Variants in SYNPO observed in about 807,000 individuals in gnomAD.
SYNPO encodes the protein synaptopodin.
Under a neutral mutation model 49.5 loss-of-function variants are expected in SYNPO, and 19 were observed. That is an observed-to-expected ratio of 0.38 (90% CI 0.27 to 0.56). The LOEUF is 0.56. SYNPO is among the 20% of genes least tolerant of loss of function. The pLI, the probability that SYNPO is intolerant of heterozygous loss-of-function variation, is 0.68. For synonymous variants in SYNPO, 536 were observed against 548.0 expected, an observed-to-expected ratio of 0.98 and a Z score of 0.31; for missense variants, 1,131 against 1,248.3, an observed-to-expected ratio of 0.91 and a Z score of 1.42.
At chr5:150,612,882 C>T (rs1358960562) in intron 1 of SYNPO, among the ~76,000 whole-genome samples, 1 of 152,152 alleles carries the variant, frequency 6.6e-6, no homozygotes, top group Non-Finnish European at 1.5e-5. Flanking sequence ...TGGGCTCAAG[C>T]ACTCCTCCAG....
At chr5:150,589,130 T>C in the SYNPO span, among the ~76,000 whole-genome samples, 1 of 151,872 alleles carries the variant, frequency 6.6e-6, no homozygotes, top group South Asian at 2.1e-4. Context: ...GGTGTGATCT[T>C]GGCTCACTGC....
chr5:150,621,663 T>C (rs1167701244), intron 2 of SYNPO, among the ~76,000 whole-genome samples: 1 of 152,146 alleles, frequency 6.6e-6, no homozygotes, highest in Non-Finnish European at 1.5e-5. Flanking sequence ...CACAGGCAGG[T>C]TTAAGTATGA....
At chr5:150,655,737 C>A (rs555455422) in intron 2 of SYNPO, among the ~76,000 whole-genome samples, 1 of 152,340 alleles carries the variant, frequency 6.6e-6, no homozygotes, top group East Asian at 1.9e-4. Flanking sequence ...ACTGCAACCT[C>A]CGCCTCTGAG....
chr5:150,607,891 T>A (rs148596070), intron 1 of SYNPO, among the ~76,000 whole-genome samples: 1 of 152,396 alleles, frequency 6.6e-6, no homozygotes, highest in East Asian at 1.9e-4. Flanking sequence ...AAAAACTTGT[T>A]AATGAGAAAT....
At position 150,648,168 on chromosome 5, in the gene SYNPO, C is replaced by T. The variant is rs775831849; in HGVS notation, c.-108C>T. 4 of 1,562,444 alleles carry T rather than the reference C, an allele frequency of 2.6e-6. No homozygotes were observed. The highest frequency in any genetic ancestry group is 3.5e-6 in the Non-Finnish European group (4 of 1,152,868). ...CCTCAGAGTGCTCCCTTCAAGCCTC[C>T]CAGGCCATGCACCGGGGCTCAGCCT... On this transcript the variant is annotated 5_prime_UTR_variant, in exon 2 of 3. Coordinates refer to ENST00000307662, the MANE Select transcript of SYNPO (RefSeq NM_007286.6). This position sits in a 1 kb window ranked among gnomAD's most constrained non-coding sequence, Gnocchi z 5.0.
At chr5:150,630,376 C>T (rs994394424) in intron 2 of SYNPO, among the ~76,000 whole-genome samples, 24 of 152,222 alleles carry the variant, frequency 1.6e-4, no homozygotes, top group Non-Finnish European at 3.1e-4. Flanking sequence ...AGCCTCCTGT[C>T]CTGCCTTCTG....
chr5:150,621,706 T>A (rs1295654276), intron 2 of SYNPO, among the ~76,000 whole-genome samples: 1 of 152,222 alleles, frequency 6.6e-6, no homozygotes, highest in Non-Finnish European at 1.5e-5. Flanking sequence ...GCACTGCAGA[T>A]ACCTTTGTTT....
chr5:150,604,537 A>T (rs567077869), intron 1 of SYNPO, among the ~76,000 whole-genome samples: 6 of 152,316 alleles, frequency 3.9e-5, no homozygotes, highest in African/African-American at 1.4e-4. Flanking sequence ...AGTCACATCC[A>T]TATCTACCGG....
chr5:150,649,820 G>T lies in SYNPO; in HGVS notation c.1545G>T (p.Leu515=). ...LARCPSPTMS[L]PSSWKYPTNA... The stretch of plus-strand genomic sequence containing the variant: ...GCTGCCCATCACCTACCATGTCCCT[G>T]CCTTCCTCCTGGAAATACCCCACTA... Residue 515 remains leucine, a synonymous_variant, in exon 2 of 3, where the codon CTG becomes CTT. Coordinates refer to ENST00000307662, the MANE Select transcript of SYNPO (RefSeq NM_007286.6). 6.2e-7 allele frequency: 1 copy of T among 1,610,182 alleles called. No individual in the cohort carries two copies.
At chr5:150,593,078 T>C in the SYNPO span, among the ~76,000 whole-genome samples, 4 of 152,240 alleles carry the variant, frequency 2.6e-5, no homozygotes, top group South Asian at 8.3e-4. Flanking sequence ...AGAGCTGTAT[T>C]GGTAGCCCAC....
chr5:150,624,251 G>C (rs1205836923), intron 2 of SYNPO, among the ~76,000 whole-genome samples: 3 of 152,186 alleles, frequency 2.0e-5, no homozygotes, highest in Non-Finnish European at 4.4e-5. Flanking sequence ...TCTAGTTACT[G>C]GGGCTGAGAC....
At chr5:150,588,721 C>A in the SYNPO span, among the ~76,000 whole-genome samples, 68 of 152,036 alleles carry the variant, frequency 4.5e-4, no homozygotes, top group African/African-American at 1.6e-3. Flanking sequence ...CTCCCAGGGG[C>A]CATAAAGTCA....
chr5:150,633,482 C>T (rs2151390337), intron 2 of SYNPO, among the ~76,000 whole-genome samples: 1 of 152,328 alleles, frequency 6.6e-6, no homozygotes, highest in Non-Finnish European at 1.5e-5. Context: ...TGAGGTTGTC[C>T]TGTTCTCCAG....
Position 150,649,633 on chromosome 5 carries a change from C to T in SYNPO, c.1358C>T (p.Ala453Val), listed in dbSNP as rs754705733. The T allele has an allele frequency of 6.2e-7, 1 of 1,608,838 alleles. No homozygotes were observed. Among genetic ancestry groups the T allele is most frequent in the Non-Finnish European group, 8.5e-7 (1 of 1,179,764 alleles). ...GCGGAGGAGGTGGTACCAGAGTGGGCCTCCTGCCTCAAGTCACCCCGCATC... is the reference window on the plus strand; with the variant it reads ...GCGGAGGAGGTGGTACCAGAGTGGGTCTCCTGCCTCAAGTCACCCCGCATC... ...AAAEEVVPEWASCLKSPRIQA... is the reference protein window; with the variant it reads ...AAAEEVVPEWVSCLKSPRIQA... The change falls in exon 2 of 3, where the codon GCC (alanine) becomes GTC (valine). Residue 453 changes from alanine to valine, a missense_variant. Physicochemically the swap from Ala to Val is moderately conservative, Grantham distance 64 (BLOSUM62 0). Around this residue, in one of 4 missense-constraint regions of SYNPO, gnomAD observed 602 missense variants for 720.7 expected, o/e 0.84. Transcript: ENST00000307662.
At chr5:150,587,806 G>A in the SYNPO span, among the ~76,000 whole-genome samples, 2 of 152,168 alleles carry the variant, frequency 1.3e-5, no homozygotes, top group Non-Finnish European at 2.9e-5. Context: ...CTGGAAAAGG[G>A]GCCAGAAGGC....
At chr5:150,615,265 T>C (rs931627045) in intron 1 of SYNPO, 1 of 152,192 alleles carries the variant, frequency 6.6e-6, no homozygotes, top group African/African-American at 2.4e-5. Flanking sequence ...CTTGGCAGCG[T>C]GAAGACAACG....
intron 1 of SYNPO, among the ~76,000 whole-genome samples, chr5:150,603,000 GTGTGTGTGTGTGTGT>G (rs1561629763): frequency 4.5e-4 from 55 of 122,264 alleles, no homozygotes; most frequent in African/African-American, 1.8e-3. Flanking sequence ...ACCTTAGGGT[GTGTGTGTGTGTGTGT>G]GTGTGTGTGT....
At chr5:150,623,741 C>A (rs564813597) in intron 2 of SYNPO, among the ~76,000 whole-genome samples, 3 of 152,336 alleles carry the variant, frequency 2.0e-5, no homozygotes, top group Admixed American at 2.0e-4. Context: ...GGTGGGCTTA[C>A]GCTAGCACAT....
chr5:150,646,502 T>C (rs1039515763), intron 1 of SYNPO, among the ~76,000 whole-genome samples: 4 of 151,616 alleles, frequency 2.6e-5, no homozygotes, highest in African/African-American at 9.7e-5. Context: ...GGCGGATCAC[T>C]TGCGCCCACC....
Sources: allele counts gnomAD v4.1 joint callset (sites outside exome capture counted in the v4.1 genomes callset), GRCh38; gene constraint gnomAD v4.1.1; regional missense constraint gnomAD v4.1.1; non-coding constraint Gnocchi (gnomAD v3.1); transcripts MANE v1.5; gene names NCBI Gene and HGNC (gene_info 2026-07-23, HGNC 2026-07-21).